The following FZD8 variants were observed in gnomAD, a reference collection of about 807,000 sequenced individuals.
FZD8 encodes the protein frizzled class receptor 8.
In FZD8, 18 loss-of-function variants were observed where a neutral mutation model predicts 46.0. That is an observed-to-expected ratio of 0.39 (90% confidence interval 0.27 to 0.58). The LOEUF is 0.58. FZD8 is among the 20% of genes least tolerant of loss of function. FZD8 has a pLI of 0.55. For missense variants in FZD8, 785 were observed against 983.4 expected (o/e 0.80, Z 2.70); for synonymous variants, 586 against 467.9 (o/e 1.25, Z -3.26).
rs1835835803 is a variant in FZD8 at position 35,640,362 on chromosome 10, C to CCCCA, written c.1067_1068insTGGG (p.Ala357GlyfsTer365). On this transcript the variant is annotated frameshift_variant, in exon 1 of 1. Coordinates refer to ENST00000374694, the MANE Select transcript of FZD8 (RefSeq NM_031866.3). LOFTEE classifies it high-confidence loss of function. ...CGCCCGCCGCGCCCGCGCCCGCCGC[C>CCCCA]GCGCCGCCCGCGCCCCCAGCGCCCC... is the stretch of plus-strand genomic sequence containing the variant. The CCCCA allele has an allele frequency of 1.2e-5, 12 of 964,428 alleles. No individual in the cohort carries two copies. Among genetic ancestry groups the CCCCA allele is most frequent in the Non-Finnish European group, 1.5e-5 (12 of 813,430 alleles). 59.7% of individuals were successfully genotyped at this position (964,428 alleles called of 1,614,324 possible).
At position 35,640,374 on chromosome 10, in the gene FZD8, GC is replaced by G; in HGVS notation, c.1055del (p.Gly352AlafsTer64). On this transcript the variant is annotated frameshift_variant, in exon 1 of 1. Transcript: ENST00000374694. LOFTEE classifies it high-confidence loss of function. ...GGAPGAGGAG[G>X]AGGAAAGAGA... is the part of the protein sequence containing the mutation. ...CCGCGCCCGCCGCCGCGCCGCCCGCGCCCCCAGCGCCCCCCGCGCCCGGCGC... is the reference window on the plus strand; with the variant it reads ...CCGCGCCCGCCGCCGCGCCGCCCGCGCCCCAGCGCCCCCCGCGCCCGGCGC... 1 of 1,000,216 alleles carries G rather than the reference GC, an allele frequency of 1.0e-6. No individual in the cohort carries two copies. Among genetic ancestry groups the G allele is most frequent in the Non-Finnish European group, 1.2e-6 (1 of 834,004 alleles). The allele number at this position is 1,000,216 out of a possible 1,614,324, so 62.0% of individuals were successfully genotyped here. A position where few individuals can be genotyped will look rare whatever the true frequency, so the allele number is the denominator to read the frequency against.
Position 35,641,502 on chromosome 10 carries a change from G to A in FZD8, c.-73C>T. 1 of 1,494,344 alleles carries A rather than the reference G, an allele frequency of 6.7e-7. No homozygotes were observed. The highest frequency in any genetic ancestry group is 8.9e-7 in the Non-Finnish European group (1 of 1,128,752). 92.6% of individuals were successfully genotyped at this position (1,494,344 alleles called of 1,614,324 possible). ...GGGGTGCCGGGGGGGGGGCCCACGAGAGAGCCGCAGACGGGTACAGCGGGT... is the reference window on the plus strand; with the variant it reads ...GGGGTGCCGGGGGGGGGGCCCACGAAAGAGCCGCAGACGGGTACAGCGGGT... On this transcript the variant is annotated 5_prime_UTR_variant, in exon 1 of 1. Coordinates refer to ENST00000374694, the MANE Select transcript of FZD8 (RefSeq NM_031866.3). This position sits in a 1 kb window ranked among gnomAD's most constrained non-coding sequence, Gnocchi z 6.3.
At position 35,640,227 on chromosome 10, in the gene FZD8, C is replaced by A. The variant is rs377031138; in HGVS notation, c.1203G>T (p.Leu401Phe). ...TGPALCTVVF[L>F]LVYFFGMASS... ...TGGCCATGCCGAAGAAGTAGACCAG[C>A]AAGAAGACCACGGTGCACAGCGCGG... is the stretch of plus-strand genomic sequence containing the variant. The change falls in exon 1 of 1, where the codon TTG (leucine) becomes TTT (phenylalanine). Residue 401 changes from leucine to phenylalanine, a missense_variant. Around this residue, in one of 5 missense-constraint regions of FZD8, gnomAD observed 147 missense variants for 242.5 expected, o/e 0.61. Coordinates refer to ENST00000374694, the MANE Select transcript of FZD8 (RefSeq NM_031866.3). 2 of 1,611,860 alleles carry A rather than the reference C, an allele frequency of 1.2e-6. No homozygotes were observed. Among genetic ancestry groups the A allele is most frequent in the Non-Finnish European group, 1.7e-6 (2 of 1,179,794 alleles).
Position 35,641,610 on chromosome 10 carries a change from G to T in FZD8, c.-181C>A. 1.3e-6 allele frequency: 1 copy of T among 784,896 alleles called. No homozygotes were observed. Among genetic ancestry groups the T allele is most frequent in the Non-Finnish European group, 2.0e-6 (1 of 510,970 alleles). 48.6% of individuals were successfully genotyped at this position (784,896 alleles called of 1,614,324 possible). On this transcript the variant is annotated 5_prime_UTR_variant, in exon 1 of 1. Transcript: ENST00000374694. This position sits in a 1 kb window ranked among gnomAD's most constrained non-coding sequence, Gnocchi z 6.3. ...CTTCTAGGGGCGCGTCCGCAGCGGC[G>T]CGGCCCGCAGCCTGGGCAGGGCCCT...
chr10:35,640,788 A>G lies in FZD8; in HGVS notation c.642T>C (p.Gly214=), dbSNP rs1309072063. ...CGCCAGGGGGCCGCGCCTTCCCGCC[A>G]CCGCCGCCGCCGCGAGCTGGGGGCG... ...AAAPPARGGG[G]GGKARPPGGG... The change falls in exon 1 of 1, where the codon GGT becomes GGC. Residue 214 remains glycine (G), a synonymous_variant. Transcript: ENST00000374694. The G allele has an allele frequency of 2.7e-6, 3 of 1,121,410 alleles. No homozygotes were observed. The highest frequency in any genetic ancestry group is 4.3e-5 in the South Asian group (1 of 23,186). The allele number at this position is 1,121,410 out of a possible 1,614,324, so 69.5% of individuals were successfully genotyped here.
Position 35,641,365 on chromosome 10 carries a change from G to C in FZD8, c.65C>G (p.Ser22Cys), listed in dbSNP as rs141014511. The C allele has an allele frequency of 5.6e-6, 9 of 1,613,166 alleles. No homozygotes were observed. Among genetic ancestry groups the C allele is most frequent in the African/African-American group, 1.3e-5 (1 of 74,914 alleles). Reference sequence around the variant, plus strand: ...GGCCGAGGCGGCCGCAGCGCCGCTAGAGCGCTGCAGCAGCGCCAAGGCGGC... The same window carrying C: ...GGCCGAGGCGGCCGCAGCGCCGCTACAGCGCTGCAGCAGCGCCAAGGCGGC... ...LLAALALLQRSSGAAAASAKE... is the reference protein window; with the variant it reads ...LLAALALLQRCSGAAAASAKE... Residue 22 changes from serine to cysteine, a missense_variant, in exon 1 of 1, where the codon TCT becomes TGT. By Grantham distance (112) the Ser-to-Cys change is moderately radical (BLOSUM62 -1). Coordinates refer to ENST00000374694, the MANE Select transcript of FZD8 (RefSeq NM_031866.3). The surrounding 1 kb of genome is among the most constrained non-coding windows in gnomAD (Gnocchi z 6.3).
Position 35,638,398 on chromosome 10 carries a change from TG to T in FZD8, c.*946del, listed in dbSNP as rs1402181800. 1.5e-5 allele frequency: 2 copies of T among 130,536 alleles called. No individual in the cohort carries two copies. Among genetic ancestry groups the T allele is most frequent in the Non-Finnish European group, 3.5e-5 (2 of 56,380 alleles). The allele number at this position is 130,536 out of a possible 1,614,324, so 8.1% of individuals were successfully genotyped here. ...GAGCTCCCATGAAAAACACCGTCTT[TG>T]GGGAAGGTGCAAAAACTCAATTTTG... is the stretch of plus-strand genomic sequence containing the variant. On this transcript the variant is annotated 3_prime_UTR_variant, in exon 1 of 1. Transcript: ENST00000374694.
rs1835863958 is a variant in FZD8 at position 35,641,563 on chromosome 10, G to A, written c.-134C>T. 4 of 1,213,786 alleles carry A rather than the reference G, an allele frequency of 3.3e-6. No homozygotes were observed. The highest frequency in any genetic ancestry group is 3.1e-5 in the African/African-American group (2 of 65,232). 75.2% of individuals were successfully genotyped at this position (1,213,786 alleles called of 1,614,324 possible). On this transcript the variant is annotated 5_prime_UTR_variant, in exon 1 of 1. Coordinates refer to ENST00000374694, the MANE Select transcript of FZD8 (RefSeq NM_031866.3). This position sits in a 1 kb window ranked among gnomAD's most constrained non-coding sequence, Gnocchi z 6.3. ...CTCCCTTATGCTTCGCCCGGGAGGG[G>A]GGTCTGCCGATAATCTAACCCCTTC...
chr10:35,640,355 C>CCGCCGCCG lies in FZD8; in HGVS notation c.1067_1074dup (p.Gly359ArgfsTer60). 1 of 966,642 alleles carries CCGCCGCCG rather than the reference C, an allele frequency of 1.0e-6. No homozygotes were observed. The highest frequency in any genetic ancestry group is 1.2e-6 in the Non-Finnish European group (1 of 815,866). The allele number at this position is 966,642 out of a possible 1,614,324, so 59.9% of individuals were successfully genotyped here. ...GCGCCCGCGCCCGCCGCGCCCGCGC[C>CCGCCGCCG]CGCCGCCGCGCCGCCCGCGCCCCCA... On this transcript the variant is annotated frameshift_variant, in exon 1 of 1. Coordinates refer to ENST00000374694, the MANE Select transcript of FZD8 (RefSeq NM_031866.3). LOFTEE classifies it high-confidence loss of function.
At position 35,639,327 on chromosome 10, in the gene FZD8, G is replaced by GGGGCCCC; in HGVS notation, c.*17_*18insGGGGCCC. On this transcript the variant is annotated 3_prime_UTR_variant, in exon 1 of 1. Transcript: ENST00000374694. ...TCGCCCCCCTCCCCACCCCTCCTGG[G>GGGGCCCC]CGCCCCCTCCCCTCCGCTCAGACCT... 7.8e-7 allele frequency: 1 copy of GGGGCCCC among 1,278,468 alleles called. No homozygotes were observed. Among genetic ancestry groups the GGGGCCCC allele is most frequent in the Non-Finnish European group, 1.0e-6 (1 of 956,910 alleles). The allele number at this position is 1,278,468 out of a possible 1,614,324, so 79.2% of individuals were successfully genotyped here.
rs762903827 is a variant in FZD8 at position 35,640,740 on chromosome 10, G to A, written c.690C>T (p.Pro230=). The stretch of plus-strand genomic sequence containing the variant: ...CCATAGGCGCGCGGCACTGGCACCC[G>A]GGCTCGCAGGGAGCCGCGCCGCCGC... ...PPGGGAAPCE[P]GCQCRAPMVS... Residue 230 remains proline (P), a synonymous_variant, in exon 1 of 1, where the codon CCC becomes CCT. Coordinates refer to ENST00000374694, the MANE Select transcript of FZD8 (RefSeq NM_031866.3). 1.6e-5 allele frequency: 22 copies of A among 1,362,400 alleles called. No individual in the cohort carries two copies. In the African/African-American group the frequency reaches 2.5e-4, roughly 15 times the overall value. 84.4% of individuals were successfully genotyped at this position (1,362,400 alleles called of 1,614,324 possible).
chr10:35,641,620 G>A lies in FZD8; in HGVS notation c.-191C>T. On this transcript the variant is annotated 5_prime_UTR_variant, in exon 1 of 1. Coordinates refer to ENST00000374694, the MANE Select transcript of FZD8 (RefSeq NM_031866.3). The surrounding 1 kb of genome is among the most constrained non-coding windows in gnomAD (Gnocchi z 6.3). ...CGCGTCCGCAGCGGCGCGGCCCGCA[G>A]CCTGGGCAGGGCCCTTCCGCACTCC... 1.4e-6 allele frequency: 1 copy of A among 715,492 alleles called. No homozygotes were observed. The highest frequency in any genetic ancestry group is 2.2e-6 in the Non-Finnish European group (1 of 447,674). The allele number at this position is 715,492 out of a possible 1,614,324, so 44.3% of individuals were successfully genotyped here.
At position 35,639,352 on chromosome 10, in the gene FZD8, TG is replaced by T; in HGVS notation, c.2077del (p.Gln693ArgfsTer30). The T allele has an allele frequency of 8.3e-7, 1 of 1,206,582 alleles. No homozygotes were observed. Among genetic ancestry groups the T allele is most frequent in the Non-Finnish European group, 1.1e-6 (1 of 900,190 alleles). The allele number at this position is 1,206,582 out of a possible 1,614,324, so 74.7% of individuals were successfully genotyped here. On this transcript the variant is annotated frameshift_variant, in exon 1 of 1. Transcript: ENST00000374694. LOFTEE classifies it high-confidence loss of function. ...VSYPKQMPLSQV is the reference protein window; with the variant it reads ...VSYPKQMPLSXV ...GCGCCCCCTCCCCTCCGCTCAGACC[TG>T]GGACAATGGCATCTGCTTTGGATAA...
Position 35,639,762 on chromosome 10 carries a change from G to A in FZD8, c.1668C>T (p.His556=). The A allele has an allele frequency of 6.2e-7, 1 of 1,600,938 alleles. No individual in the cohort carries two copies. The highest frequency in any genetic ancestry group is 1.1e-5 in the South Asian group (1 of 91,068). Residue 556 remains histidine, a synonymous_variant, in exon 1 of 1, where the codon CAC becomes CAT. Coordinates refer to ENST00000374694, the MANE Select transcript of FZD8 (RefSeq NM_031866.3). Reference sequence around the variant, plus strand: ...GCGTGGCCTCCCAGCGCGGGCGGTTGTGCTGCTCGTAGAAGAGGCAGGCGA... The same window carrying A: ...GCGTGGCCTCCCAGCGCGGGCGGTTATGCTGCTCGTAGAAGAGGCAGGCGA... The part of the protein sequence containing the change: ...VVVACLFYEQ[H]NRPRWEATHN...
In FZD8 at chr10:35,640,110, G is replaced by A; in HGVS notation, c.1320C>T (p.Tyr440=). ...GCACAAGCCACGCGGCCAGGTGGAA[G>A]TACTGCGAGTAGCCGGCGATGGCTT... is the stretch of plus-strand genomic sequence containing the variant. ...GNEAIAGYSQ[Y]FHLAAWLVPS... Residue 440 remains tyrosine, a synonymous_variant, in exon 1 of 1, where the codon TAC becomes TAT. Coordinates refer to ENST00000374694, the MANE Select transcript of FZD8 (RefSeq NM_031866.3). 1 of 1,612,664 alleles carries A rather than the reference G, an allele frequency of 6.2e-7. No homozygotes were observed. The highest frequency in any genetic ancestry group is 8.5e-7 in the Non-Finnish European group (1 of 1,179,762).
Position 35,641,001 on chromosome 10 carries a change from G to C in FZD8, c.429C>G (p.Asn143Lys). ...TGTAGTCCATGCACAGCGTGTCAGG[G>C]TTGCCTTGCTCGGGCAGCCGGTCGC... ...MRCDRLPEQGNPDTLCMDYNR... is the reference protein window; with the variant it reads ...MRCDRLPEQGKPDTLCMDYNR... The change falls in exon 1 of 1, where the codon AAC (asparagine) becomes AAG (lysine). Residue 143 changes from asparagine to lysine, a missense_variant. Coordinates refer to ENST00000374694, the MANE Select transcript of FZD8 (RefSeq NM_031866.3). The surrounding 1 kb of genome is among the most constrained non-coding windows in gnomAD (Gnocchi z 6.3). 6.2e-7 allele frequency: 1 copy of C among 1,605,036 alleles called. No individual in the cohort carries two copies. The highest frequency in any genetic ancestry group is 8.5e-7 in the Non-Finnish European group (1 of 1,176,890).
In FZD8 at chr10:35,640,527, G is replaced by T; in HGVS notation, c.903C>A (p.Ile301=). The T allele has an allele frequency of 6.3e-7, 1 of 1,588,746 alleles. No homozygotes were observed. The highest frequency in any genetic ancestry group is 1.4e-5 in the African/African-American group (1 of 74,008). ...CCGGGTACTTGAAGCGCTCCATGTCGATAAGGAAGGTGGAGACGGTGGCGA... is the reference window on the plus strand; with the variant it reads ...CCGGGTACTTGAAGCGCTCCATGTCTATAAGGAAGGTGGAGACGGTGGCGA... ...STFATVSTFL[I]DMERFKYPER... is the part of the protein sequence containing the mutation. The change falls in exon 1 of 1, where the codon ATC becomes ATA. Residue 301 remains isoleucine (I), a synonymous_variant. Coordinates refer to ENST00000374694, the MANE Select transcript of FZD8 (RefSeq NM_031866.3).
At position 35,640,808 on chromosome 10, in the gene FZD8, G is replaced by A; in HGVS notation, c.622C>T (p.Pro208Ser). 2 of 1,005,822 alleles carry A rather than the reference G, an allele frequency of 2.0e-6. No homozygotes were observed. The highest frequency in any genetic ancestry group is 2.4e-6 in the Non-Finnish European group (2 of 844,940). The allele number at this position is 1,005,822 out of a possible 1,614,324, so 62.3% of individuals were successfully genotyped here. A position where few individuals can be genotyped will look rare whatever the true frequency, so the allele number is the denominator to read the frequency against. ...GGGGGDAAAP[P>S]ARGGGGGGKA... ...CCGCCACCGCCGCCGCCGCGAGCTG[G>A]GGGCGCCGCCGCGTCCCCGCCGCCA... is the stretch of plus-strand genomic sequence containing the variant. Residue 208 changes from proline to serine, a missense_variant, in exon 1 of 1, where the codon CCA becomes TCA. Coordinates refer to ENST00000374694, the MANE Select transcript of FZD8 (RefSeq NM_031866.3).
chr10:35,641,081 C>T lies in FZD8; in HGVS notation c.349G>A (p.Gly117Ser). 1.9e-6 allele frequency: 3 copies of T among 1,610,198 alleles called. No individual in the cohort carries two copies. Among genetic ancestry groups the T allele is most frequent in the Non-Finnish European group, 2.5e-6 (3 of 1,178,728 alleles). The change falls in exon 1 of 1, where the codon GGC becomes AGC. Residue 117 changes from glycine to serine, a missense_variant. By Grantham distance (56) the Gly-to-Ser change is moderately conservative (BLOSUM62 0). Around this residue, in one of 5 missense-constraint regions of FZD8, gnomAD observed 354 missense variants for 433.2 expected, o/e 0.82. Transcript: ENST00000374694. This position sits in a 1 kb window ranked among gnomAD's most constrained non-coding sequence, Gnocchi z 6.3. ...TACTGGCGCATGAGCGGCGCGCAGCCGGCCTTGGCGCGCTCGCACACCGAG... is the reference window on the plus strand; with the variant it reads ...TACTGGCGCATGAGCGGCGCGCAGCTGGCCTTGGCGCGCTCGCACACCGAG... ...CRSVCERAKA[G>S]CAPLMRQYGF...
Sources: allele counts gnomAD v4.1 joint callset, GRCh38; gene constraint gnomAD v4.1.1; regional missense constraint gnomAD v4.1.1; non-coding constraint Gnocchi (gnomAD v3.1); transcripts MANE v1.5; gene names NCBI Gene and HGNC (gene_info 2026-07-23, HGNC 2026-07-21).